Variants in GMDS observed in about 807,000 individuals in gnomAD.
The protein encoded by GMDS is GDP-mannose 4,6 dehydratase.
In GMDS, 20 loss-of-function variants were observed where a neutral mutation model predicts 49.9. The observed-to-expected ratio is 0.40, with a 90% CI of 0.28 to 0.58. The LOEUF is 0.58. Among genes scored for constraint, GMDS ranks in the 20% least tolerant of loss-of-function variants. GMDS has a pLI of 0.42. For synonymous variants in GMDS, 177 were observed against 178.6 expected, an observed-to-expected ratio of 0.99 and a Z score of 0.07; for missense variants, 362 against 481.4, an observed-to-expected ratio of 0.75 and a Z score of 2.32.
chr6:1,851,149 C>T (rs1403030962), intron 7 of GMDS, among the ~76,000 whole-genome samples: 8 of 152,154 alleles, frequency 5.3e-5, no homozygotes, highest in African/African-American at 9.7e-5. Flanking sequence ...CCATCAAATG[C>T]GCTTTCTTAC....
intron 2 of GMDS, among the ~76,000 whole-genome samples, chr6:2,120,451 A>G (rs1234656890): frequency 1.3e-5 from 2 of 152,150 alleles, no homozygotes; most frequent in East Asian, 3.9e-4. Flanking sequence ...TCTAACAAAA[A>G]ATCTCCCAGA....
chr6:2,185,083 C>T (rs767257289), intron 1 of GMDS, among the ~76,000 whole-genome samples: 1 of 152,208 alleles, frequency 6.6e-6, no homozygotes, highest in African/African-American at 2.4e-5. Context: ...GTCAAGCCGA[C>T]AAGGCAAAGC....
chr6:2,101,649 T>C (rs1023665928), intron 4 of GMDS, among the ~76,000 whole-genome samples: 2 of 152,094 alleles, frequency 1.3e-5, no homozygotes, highest in African/African-American at 4.8e-5. Context: ...ACTTATGTGT[T>C]TATCTAAAAT....
intron 7 of GMDS, among the ~76,000 whole-genome samples, chr6:1,923,909 C>T (rs1004019881): frequency 1.3e-5 from 2 of 152,324 alleles, no homozygotes; most frequent in East Asian, 3.9e-4. Context: ...TGTCTGTAAC[C>T]TATGTACCCT....
intron 1 of GMDS, among the ~76,000 whole-genome samples, chr6:2,186,961 G>A (rs951600959): frequency 7.2e-5 from 11 of 152,152 alleles, no homozygotes; most frequent in Non-Finnish European, 1.0e-4. Flanking sequence ...GATTCTCTAT[G>A]TTTAAAAACA....
At chr6:1,634,607 T>C (rs928152977) in intron 9 of GMDS, among the ~76,000 whole-genome samples, 1 of 152,226 alleles carries the variant, frequency 6.6e-6, no homozygotes, top group Admixed American at 6.5e-5. Context: ...CTCCATCCTT[T>C]ACCGGCCCAG....
chr6:1,829,485 G>C (rs776477842), intron 7 of GMDS, among the ~76,000 whole-genome samples: 1 of 152,214 alleles, frequency 6.6e-6, no homozygotes, highest in Non-Finnish European at 1.5e-5. Flanking sequence ...CCAGGCTGGA[G>C]TGCACTGGTG....
At chr6:1,896,722 C>G (rs909110522) in intron 7 of GMDS, among the ~76,000 whole-genome samples, 6 of 152,156 alleles carry the variant, frequency 3.9e-5, no homozygotes, top group Admixed American at 1.3e-4. Context: ...AATACATGGG[C>G]AGGATTACCT....
At chr6:2,230,105 A>G (rs561454655) in intron 1 of GMDS, among the ~76,000 whole-genome samples, 5 of 151,138 alleles carry the variant, frequency 3.3e-5, no homozygotes, top group Non-Finnish European at 5.9e-5. Context: ...ACCCCTCTCC[A>G]GAGTCCACAG....
intron 4 of GMDS, among the ~76,000 whole-genome samples, chr6:1,980,803 CAG>C (rs1219380742): frequency 1.3e-5 from 2 of 152,274 alleles, no homozygotes; most frequent in African/African-American, 4.8e-5. Flanking sequence ...AAACACTCCT[CAG>C]GAAATGTAAA....
intron 7 of GMDS, among the ~76,000 whole-genome samples, chr6:1,796,463 T>C (rs1367004509): frequency 6.6e-6 from 1 of 152,166 alleles, no homozygotes; most frequent in Non-Finnish European, 1.5e-5. Flanking sequence ...TTAGGTATAC[T>C]GGAGAGGGGC....
At chr6:1,816,152 G>A (rs1418838794) in intron 7 of GMDS, among the ~76,000 whole-genome samples, 1 of 152,206 alleles carries the variant, frequency 6.6e-6, no homozygotes, top group Non-Finnish European at 1.5e-5. Context: ...AGGCGGTAGA[G>A]GGTGGGAGAA....
chr6:1,869,879 C>T (rs1231953456), intron 7 of GMDS, among the ~76,000 whole-genome samples: 1 of 152,202 alleles, frequency 6.6e-6, no homozygotes, highest in East Asian at 1.9e-4. Flanking sequence ...AATTTCTTGG[C>T]ATATTTTTCC....
chr6:1,986,707 T>A (rs12663966), intron 4 of GMDS, among the ~76,000 whole-genome samples: 48,116 of 152,082 alleles, frequency 0.32, 7,910 homozygotes, highest in Middle Eastern at 0.4. Context: ...CACAAAGCTT[T>A]AAGCATGCCA....
chr6:2,083,586 T>C (rs1772840740), intron 4 of GMDS, among the ~76,000 whole-genome samples: 1 of 152,214 alleles, frequency 6.6e-6, no homozygotes, highest in African/African-American at 2.4e-5. Flanking sequence ...TGGTTAATTC[T>C]AACTACTTTG....
At chr6:2,172,708 T>C (rs1270649885) in intron 1 of GMDS, among the ~76,000 whole-genome samples, 5 of 151,634 alleles carry the variant, frequency 3.3e-5, no homozygotes, top group Non-Finnish European at 5.9e-5. Flanking sequence ...AAAAACAGAA[T>C]TGATATGACA....
At chr6:2,214,352 A>G (rs1780216874) in intron 1 of GMDS, among the ~76,000 whole-genome samples, 1 of 152,208 alleles carries the variant, frequency 6.6e-6, no homozygotes. Context: ...TGAGGATTCA[A>G]CCAACTGCAG....
intron 6 of GMDS, among the ~76,000 whole-genome samples, chr6:1,939,689 C>A (rs1299962238): frequency 6.6e-6 from 1 of 151,684 alleles, no homozygotes; most frequent in Non-Finnish European, 1.5e-5. Context: ...CTATAACAAA[C>A]ATTAAAGGAA....
At chr6:2,023,546 T>C (rs766768140) in intron 4 of GMDS, among the ~76,000 whole-genome samples, 10 of 152,190 alleles carry the variant, frequency 6.6e-5, no homozygotes, top group Non-Finnish European at 1.3e-4. Flanking sequence ...CACAGGAGCA[T>C]GTGCACGCCA....
Sources: allele counts gnomAD v4.1 joint callset (sites outside exome capture counted in the v4.1 genomes callset), GRCh38; gene constraint gnomAD v4.1.1; transcripts MANE v1.5; gene names NCBI Gene and HGNC (gene_info 2026-07-23, HGNC 2026-07-21).